Variants in SOX5 observed in about 807,000 individuals in gnomAD.
SOX5 encodes the protein transcription factor SOX-5.
In SOX5, 9 loss-of-function variants were observed where a neutral mutation model predicts 92.0. That is an observed-to-expected ratio of 0.10 (90% CI 0.06 to 0.17). The LOEUF (loss-of-function observed/expected upper bound fraction) is 0.17. Among genes scored for constraint, SOX5 ranks in the 10% least tolerant of loss-of-function variants. The probability of loss-of-function intolerance (pLI) is 1.00; values close to 1 mark genes in which losing one functional copy is unlikely to be tolerated. For missense variants in SOX5, 642 were observed against 944.5 expected, an observed-to-expected ratio of 0.68 and a Z score of 4.20; for synonymous variants, 344 against 336.3, an observed-to-expected ratio of 1.02 and a Z score of -0.25.
intron 3 of SOX5, among the ~76,000 whole-genome samples, chr12:23,830,318 G>C (rs759510946): frequency 3.3e-5 from 5 of 152,048 alleles, no homozygotes; most frequent in Non-Finnish European, 5.9e-5. Context: ...TTTTGAAAAG[G>C]GTGCCTGGAG....
At chr12:24,336,842 A>G (rs1399709749) in intron 2 of SOX5, among the ~76,000 whole-genome samples, 1 of 152,210 alleles carries the variant, frequency 6.6e-6, no homozygotes, top group Non-Finnish European at 1.5e-5. Flanking sequence ...TATTAAATAA[A>G]AACCTAATTG....
At chr12:23,764,174 C>T (rs552416541) in intron 3 of SOX5, among the ~76,000 whole-genome samples, 1 of 152,188 alleles carries the variant, frequency 6.6e-6, no homozygotes, top group East Asian at 1.9e-4. Context: ...GCATCCATAA[C>T]AGTCAACTTA....
rs567117055 is a variant in SOX5 at position 23,972,345 on chromosome 12, GTTTT to G, written c.-1-76325_-1-76322del. Among the ~76,000 whole-genome samples the G allele has an allele frequency of 3.4e-3, 519 of 151,962 alleles. 6 individuals are homozygous for G. Among genetic ancestry groups the G allele is most frequent in the African/African-American group, 0.012 (490 of 41,468 alleles). On this transcript the variant is annotated intron_variant, in intron 4 of 4. Transcript: ENST00000446891. Reference sequence around the variant, plus strand: ...TCCTAAAAATATTTTTCTTCCTATGGTTTTTTTGTTTGTTTGTTTTGTTTTGTTT... The same window carrying G: ...TCCTAAAAATATTTTTCTTCCTATGGTTTGTTTGTTTGTTTTGTTTTGTTT...
chr12:24,199,061 T>C (rs868667023), intron 4 of SOX5, among the ~76,000 whole-genome samples: 24 of 151,906 alleles, frequency 1.6e-4, no homozygotes, highest in Non-Finnish European at 7.4e-5. Flanking sequence ...ATCCGAATGG[T>C]GTGAAAGTTA....
At chr12:24,330,181 T>C (rs1951145923) in intron 2 of SOX5, among the ~76,000 whole-genome samples, 1 of 151,888 alleles carries the variant, frequency 6.6e-6, no homozygotes. Context: ...AAAATAAAAA[T>C]GCAGACATAA....
chr12:24,456,874 T>C (rs1423889204), intron 1 of SOX5, among the ~76,000 whole-genome samples: 2 of 152,212 alleles, frequency 1.3e-5, no homozygotes. Flanking sequence ...TGATTAGCAT[T>C]CATGATTTCA....
At chr12:23,655,950 A>G (rs2082252821) in intron 7 of SOX5, among the ~76,000 whole-genome samples, 1 of 152,140 alleles carries the variant, frequency 6.6e-6, no homozygotes, top group South Asian at 2.1e-4. Flanking sequence ...GTATATATTT[A>G]ATGAATCATA....
chr12:23,995,503 C>T (rs1950945785), intron 4 of SOX5, among the ~76,000 whole-genome samples: 1 of 152,116 alleles, frequency 6.6e-6, no homozygotes, highest in Non-Finnish European at 1.5e-5. Flanking sequence ...TGAGACCAGC[C>T]TGGACAACAT....
intron 2 of SOX5, among the ~76,000 whole-genome samples, chr12:23,861,606 C>T (rs1051252981): frequency 6.6e-6 from 1 of 151,912 alleles, no homozygotes; most frequent in South Asian, 2.1e-4. Context: ...TTAAAAATGC[C>T]GATTGATAAT....
chr12:23,636,237 C>G (rs2138585180), intron 8 of SOX5, among the ~76,000 whole-genome samples: 1 of 152,200 alleles, frequency 6.6e-6, no homozygotes, highest in East Asian at 1.9e-4. Context: ...CTAGATTAAG[C>G]TGATTTTCTC....
At chr12:23,593,814 A>G (rs750812695) in intron 9 of SOX5, among the ~76,000 whole-genome samples, 1 of 152,046 alleles carries the variant, frequency 6.6e-6, no homozygotes, top group African/African-American at 2.4e-5. Flanking sequence ...GTGACCTTTA[A>G]AAAGCATATA....
intron 3 of SOX5, among the ~76,000 whole-genome samples, chr12:24,251,577 T>TG (rs1940058067): frequency 6.6e-6 from 1 of 151,562 alleles, no homozygotes; most frequent in South Asian, 2.1e-4. Flanking sequence ...TTTTTGTTTT[T>TG]TTTTTTTTCT....
At position 24,257,441 on chromosome 12, in the gene SOX5, T is replaced by C. The variant is rs188378905; in HGVS notation, c.-77+19775A>G. The stretch of plus-strand genomic sequence containing the variant: ...TCACAAAAATTTTAGAAGAACAAGA[T>C]TGAAGCTCTAGGGGTCTTTTTGTTT... On this transcript the variant is annotated intron_variant, in intron 3 of 4. Transcript: ENST00000446891. Among the ~76,000 whole-genome samples, 7 of 150,890 alleles carry C rather than the reference T, an allele frequency of 4.6e-5. No individual in the cohort carries two copies. The East Asian group carries it at 1.2e-3, about 26-fold the overall frequency.
At chr12:23,536,365 CTT>C in intron 14 of SOX5, 86 bp downstream of exon 14, 1 of 1,028,894 alleles carries the variant, frequency 9.7e-7, no homozygotes, top group African/African-American at 1.6e-5. Flanking sequence ...TTCAAAATGT[CTT>C]TTTGCAACTG....
chr12:23,533,929 C>A lies in SOX5; in HGVS notation c.*290G>T. On this transcript the variant is annotated 3_prime_UTR_variant, in exon 15 of 15. Transcript: ENST00000451604. ...TTATTTAAAAAAAAAAAAAAGTTGACGGGTAAGACTTCAGTGCTTGGATGT... is the reference window on the plus strand; with the variant it reads ...TTATTTAAAAAAAAAAAAAAGTTGAAGGGTAAGACTTCAGTGCTTGGATGT... 1 of 241,364 alleles carries A rather than the reference C, an allele frequency of 4.1e-6. No individual in the cohort carries two copies. Among genetic ancestry groups the A allele is most frequent in the Non-Finnish European group, 8.0e-6 (1 of 124,716 alleles). The allele number at this position is 241,364 out of a possible 1,614,324, so 15.0% of individuals were successfully genotyped here.
chr12:23,570,530 C>T (rs1947981590), intron 10 of SOX5, among the ~76,000 whole-genome samples: 1 of 151,946 alleles, frequency 6.6e-6, no homozygotes, highest in African/African-American at 2.4e-5. Context: ...GTAATCCCAG[C>T]ACTTTGGGGG....
chr12:24,413,295 A>C, intron 1 of SOX5, among the ~76,000 whole-genome samples: 1 of 152,226 alleles, frequency 6.6e-6, no homozygotes, highest in African/African-American at 2.4e-5. Flanking sequence ...CTTAATAATT[A>C]TATAATATCC....
chr12:23,973,344 A>G (rs1179285138), intron 4 of SOX5, among the ~76,000 whole-genome samples: 2 of 151,518 alleles, frequency 1.3e-5, no homozygotes, highest in African/African-American at 4.8e-5. Flanking sequence ...GTATTTTTAT[A>G]AAGATGGGGT....
At chr12:24,530,019 C>CAAAA (rs34105691) in intron 1 of SOX5, among the ~76,000 whole-genome samples, 10 of 72,964 alleles carry the variant, frequency 1.4e-4, no homozygotes, top group Non-Finnish European at 1.8e-4. Flanking sequence ...GACTCCGTCT[C>CAAAA]AAAAAAAAAA....
Sources: allele counts gnomAD v4.1 joint callset (sites outside exome capture counted in the v4.1 genomes callset), GRCh38; gene constraint gnomAD v4.1.1; transcripts MANE v1.5; gene names NCBI Gene and HGNC (gene_info 2026-07-23, HGNC 2026-07-21).